Variants in LYZL4 observed in about 807,000 individuals in gnomAD.
The protein encoded by LYZL4 is lysozyme-like protein 4.
LYZL4 carries 13 observed loss-of-function variants against 17.6 expected under a neutral mutation model. That is an observed-to-expected ratio of 0.74 (90% CI 0.48 to 1.18). The LOEUF (loss-of-function observed/expected upper bound fraction) is 1.18, where lower values mean the gene tolerates loss of function less well. Among genes scored for constraint, LYZL4 ranks in the 50% most tolerant of loss-of-function variants. LYZL4 has a pLI of 0.00. For synonymous variants in LYZL4, 64 were observed against 67.7 expected (o/e 0.95, Z 0.27); for missense variants, 174 against 188.2 (o/e 0.92, Z 0.44).
At chr3:42,377,715 T>A in the LYZL4 span, among the ~76,000 whole-genome samples, 1 of 151,194 alleles carries the variant, frequency 6.6e-6, no homozygotes, top group Non-Finnish European at 1.5e-5. Context: ...GTGAGGTAAT[T>A]TGACTATTAT....
At chr3:42,405,173 C>A (rs111248635) in intron 3 of LYZL4, among the ~76,000 whole-genome samples, 2 of 152,090 alleles carry the variant, frequency 1.3e-5, no homozygotes, top group Non-Finnish European at 2.9e-5. Context: ...CTCAGCCTCC[C>A]GAGTAGCTGG....
At chr3:42,371,709 G>A in the LYZL4 span, among the ~76,000 whole-genome samples, 1 of 152,192 alleles carries the variant, frequency 6.6e-6, no homozygotes, top group South Asian at 2.1e-4. Context: ...TATGCTTGCA[G>A]GCTCAGTACA....
chr3:42,396,798 G>T (rs967605332), downstream of LYZL4, among the ~76,000 whole-genome samples: 17 of 152,336 alleles, frequency 1.1e-4, no homozygotes, highest in African/African-American at 4.1e-4. Flanking sequence ...GTGCAAAGAG[G>T]ATTCTGTGGT....
At chr3:42,380,871 G>A in the LYZL4 span, among the ~76,000 whole-genome samples, 1 of 152,212 alleles carries the variant, frequency 6.6e-6, no homozygotes, top group South Asian at 2.1e-4. Context: ...CATGGTTGAT[G>A]TCTACCCCTG....
At chr3:42,363,760 G>C in the LYZL4 span, among the ~76,000 whole-genome samples, 1 of 152,198 alleles carries the variant, frequency 6.6e-6, no homozygotes, top group South Asian at 2.1e-4. Flanking sequence ...CCAGCACTAT[G>C]AAAATGGTTG....
the LYZL4 span, among the ~76,000 whole-genome samples, chr3:42,375,044 C>A: frequency 2.0e-5 from 3 of 152,112 alleles, no homozygotes; most frequent in South Asian, 6.2e-4. Context: ...CTCCTGGGCT[C>A]AAGCAATTCG....
chr3:42,389,716 A>T, the LYZL4 span, among the ~76,000 whole-genome samples: 1 of 152,224 alleles, frequency 6.6e-6, no homozygotes, highest in Non-Finnish European at 1.5e-5. Context: ...AGGTGGCTTT[A>T]TGTATGCAGC....
At chr3:42,371,643 C>A in the LYZL4 span, among the ~76,000 whole-genome samples, 4 of 152,098 alleles carry the variant, frequency 2.6e-5, no homozygotes, top group Admixed American at 2.6e-4. Flanking sequence ...ATGAAGCACC[C>A]AACACTTAAA....
chr3:42,387,857 C>G, the LYZL4 span, among the ~76,000 whole-genome samples: 1 of 152,134 alleles, frequency 6.6e-6, no homozygotes, highest in Non-Finnish European at 1.5e-5. Flanking sequence ...TCTCCTCCTG[C>G]TTCTGTCTAA....
At chr3:42,374,917 TC>T in the LYZL4 span, among the ~76,000 whole-genome samples, 1 of 152,044 alleles carries the variant, frequency 6.6e-6, no homozygotes, top group Non-Finnish European at 1.5e-5. Context: ...CAACCCATCC[TC>T]CCACCTCAGC....
At chr3:42,371,522 A>G in the LYZL4 span, among the ~76,000 whole-genome samples, 1 of 152,196 alleles carries the variant, frequency 6.6e-6, no homozygotes. Context: ...TTTGATCTGG[A>G]TGAAACATAG....
At chr3:42,364,341 C>CTTT in the LYZL4 span, among the ~76,000 whole-genome samples, 13 of 119,860 alleles carry the variant, frequency 1.1e-4, no homozygotes, top group Non-Finnish European at 1.3e-4. Context: ...TTTTTCTTTT[C>CTTT]TTTTTTTTTT....
At chr3:42,379,128 G>A in the LYZL4 span, among the ~76,000 whole-genome samples, 4 of 152,162 alleles carry the variant, frequency 2.6e-5, no homozygotes, top group African/African-American at 4.8e-5. Flanking sequence ...TCTGTGATTT[G>A]GCAGGGCTCA....
chr3:42,375,794 C>T, the LYZL4 span, among the ~76,000 whole-genome samples: 1 of 152,308 alleles, frequency 6.6e-6, no homozygotes, highest in South Asian at 2.1e-4. Context: ...CCCTCTTTAT[C>T]TTCAGGCTCC....
intron 4 of LYZL4, among the ~76,000 whole-genome samples, 181 bp downstream of exon 4, chr3:42,403,865 G>T (rs75011185): frequency 6.6e-6 from 1 of 152,284 alleles, no homozygotes; most frequent in African/African-American, 2.4e-5. Context: ...CAATTTCTCT[G>T]ATAATTATTT....
chr3:42,376,802 G>A, the LYZL4 span, among the ~76,000 whole-genome samples: 2 of 152,184 alleles, frequency 1.3e-5, no homozygotes, highest in Non-Finnish European at 2.9e-5. Context: ...CGGTTTCAAG[G>A]TCCCCATGAG....
At chr3:42,366,931 G>A in the LYZL4 span, among the ~76,000 whole-genome samples, 9 of 152,302 alleles carry the variant, frequency 5.9e-5, no homozygotes, top group Admixed American at 1.3e-4. Context: ...CTCTGATCTT[G>A]TTTCTAGTTT....
the LYZL4 span, among the ~76,000 whole-genome samples, chr3:42,380,773 T>G: frequency 6.6e-6 from 1 of 152,192 alleles, no homozygotes; most frequent in Non-Finnish European, 1.5e-5. Context: ...TGCTAACAAA[T>G]ATTCACTTTC....
chr3:42,360,877 G>A, the LYZL4 span, among the ~76,000 whole-genome samples: 1 of 151,924 alleles, frequency 6.6e-6, no homozygotes, highest in Non-Finnish European at 1.5e-5. Context: ...TCATATCTGT[G>A]TTACTAATTT....
Sources: gnomAD v4.1 joint callset for allele counts (sites outside exome capture counted in the v4.1 genomes callset) on GRCh38, gnomAD v4.1.1 for gene constraint, MANE v1.5 for transcripts, NCBI Gene and HGNC (gene_info 2026-07-23, HGNC 2026-07-21) for gene names.